Variants in VGLL4 observed in about 807,000 individuals in gnomAD.
The protein encoded by VGLL4 is vestigial like family member 4.
In VGLL4, 7 loss-of-function variants were observed where a neutral mutation model predicts 21.0. The ratio of observed to expected loss-of-function variants is 0.33; its 90% CI spans 0.19 to 0.63. The LOEUF (loss-of-function observed/expected upper bound fraction) is 0.63. VGLL4 is among the 20% of genes least tolerant of loss of function. VGLL4 has a pLI of 0.78. For synonymous variants in VGLL4, 222 were observed against 173.2 expected (o/e 1.28, Z -2.21); for missense variants, 394 against 425.7 (o/e 0.93, Z 0.66).
At position 11,666,415 on chromosome 3, in the gene VGLL4, G is replaced by C. The variant is rs142436725; in HGVS notation, c.64+36556C>G. On this transcript the variant is annotated intron_variant, in intron 2 of 5. Coordinates refer to the VGLL4 transcript ENST00000273038. The stretch of plus-strand genomic sequence containing the variant: ...AGGGCTTCCGAACAGAGCATGGCCA[G>C]AATCTGAGTTCCCATTTTAAAGGCC... 2.0e-3 allele frequency among the ~76,000 whole-genome samples: 311 copies of C among 152,274 alleles called. 1 individual carries two copies. Among genetic ancestry groups the C allele is most frequent in the African/African-American group, 7.2e-3 (300 of 41,556 alleles).
At chr3:11,560,802 G>A (rs76278386) in intron 3 of VGLL4, among the ~76,000 whole-genome samples, 5,184 of 152,260 alleles carry the variant, frequency 0.034, 239 homozygotes, top group African/African-American at 0.1. Context: ...TCCATGGTGT[G>A]CACAGGTGGC....
chr3:11,664,224 C>A (rs1559932114), intron 2 of VGLL4, among the ~76,000 whole-genome samples: 2 of 152,100 alleles, frequency 1.3e-5, no homozygotes, highest in South Asian at 4.1e-4. Flanking sequence ...GGCGACAGAT[C>A]AAGAGTCCGT....
chr3:11,610,325 C>T (rs530344892), intron 1 of VGLL4: 46 of 152,356 alleles, frequency 3.0e-4, no homozygotes, highest in African/African-American at 1.0e-3. Context: ...AAGTCAATCT[C>T]CTTCAAATTG....
At chr3:11,582,812 T>C (rs2125228177) in intron 2 of VGLL4, among the ~76,000 whole-genome samples, 1 of 152,320 alleles carries the variant, frequency 6.6e-6, no homozygotes, top group East Asian at 1.9e-4. Flanking sequence ...TATTCTCTGC[T>C]GCAGCCGCAA....
chr3:11,601,844 G>A lies in VGLL4; in HGVS notation c.261C>T (p.Phe87=), dbSNP rs763977612. 3.7e-6 allele frequency: 6 copies of A among 1,613,710 alleles called. No individual in the cohort carries two copies. The African/African-American group carries it at 5.3e-5, about 14-fold the overall frequency. ...ACAGAGGAACTCACAGATGGGGGTT[G>A]AAGATGCGACTCATTTTGGAGACGT... The part of the protein sequence containing the change: ...NDHVSKMSRI[F]NPHLNKTANG... Residue 87 remains phenylalanine, a synonymous_variant, in exon 2 of 5, where the codon TTC becomes TTT. Coordinates refer to ENST00000430365, the MANE Select transcript of VGLL4 (RefSeq NM_001128219.3).
chr3:11,636,849 C>G (rs950253888), intron 1 of VGLL4, among the ~76,000 whole-genome samples: 1 of 152,090 alleles, frequency 6.6e-6, no homozygotes, highest in Non-Finnish European at 1.5e-5. Context: ...GTTTAATAAA[C>G]AGTGGAGCTA....
intron 2 of VGLL4, among the ~76,000 whole-genome samples, chr3:11,597,013 C>G (rs2074661406): frequency 6.6e-6 from 1 of 151,910 alleles, no homozygotes; most frequent in Admixed American, 6.6e-5. Context: ...AACTTGTAGG[C>G]CAGAAAATAA....
intron 1 of VGLL4, among the ~76,000 whole-genome samples, chr3:11,620,967 G>A (rs575655829): frequency 3.9e-5 from 6 of 152,292 alleles, no homozygotes; most frequent in Admixed American, 6.5e-5. Context: ...AGCAGTGAAT[G>A]CCCCTTACCA....
intron 1 of VGLL4, among the ~76,000 whole-genome samples, chr3:11,713,570 A>T (rs1198016133): frequency 1.2e-4 from 5 of 42,970 alleles, no homozygotes; most frequent in Non-Finnish European, 3.1e-4. Flanking sequence ...TATATTATTT[A>T]TATATATATA....
intron 1 of VGLL4, among the ~76,000 whole-genome samples, chr3:11,608,887 A>T (rs1201731236): frequency 6.6e-6 from 1 of 152,110 alleles, no homozygotes; most frequent in Non-Finnish European, 1.5e-5. Context: ...TTGGAGACGG[A>T]GTCTCACTCT....
chr3:11,721,119 C>T (rs2076989927), upstream of VGLL4: 1 of 152,142 alleles, frequency 6.6e-6, no homozygotes, highest in Non-Finnish European at 1.5e-5. Context: ...GAGCCCCTAC[C>T]GTAAGGGCTT....
intron 1 of VGLL4, among the ~76,000 whole-genome samples, chr3:11,717,762 A>T (rs1292929178): frequency 6.6e-6 from 1 of 152,172 alleles, no homozygotes; most frequent in Non-Finnish European, 1.5e-5. Flanking sequence ...GTGTTTATGT[A>T]GCTCTTTCAA....
chr3:11,712,871 G>A (rs1359917005), intron 1 of VGLL4, among the ~76,000 whole-genome samples: 3 of 152,248 alleles, frequency 2.0e-5, no homozygotes, highest in East Asian at 1.9e-4. Context: ...TCAGGAACAC[G>A]CAAACCATGG....
intron 1 of VGLL4, among the ~76,000 whole-genome samples, chr3:11,714,874 G>A (rs1035841832): frequency 2.6e-5 from 4 of 152,090 alleles, no homozygotes; most frequent in African/African-American, 9.7e-5. Context: ...AGTGGCTCAC[G>A]CCTGTAACCC....
chr3:11,606,454 T>C (rs1398947332), intron 1 of VGLL4, among the ~76,000 whole-genome samples: 1 of 152,226 alleles, frequency 6.6e-6, no homozygotes, highest in African/African-American at 2.4e-5. Context: ...GTGGAGAAGC[T>C]GGAACACGTG....
chr3:11,626,122 G>C (rs529536843), intron 1 of VGLL4, among the ~76,000 whole-genome samples: 2 of 152,210 alleles, frequency 1.3e-5, no homozygotes, highest in Non-Finnish European at 2.9e-5. Context: ...AGCAGAAAGA[G>C]AGCCAGCACT....
chr3:11,559,815 C>T (rs999894261), intron 3 of VGLL4, among the ~76,000 whole-genome samples: 3 of 152,294 alleles, frequency 2.0e-5, no homozygotes, highest in East Asian at 3.9e-4. Flanking sequence ...CCGTTAACGT[C>T]CCCAGAGCCC....
intron 2 of VGLL4, among the ~76,000 whole-genome samples, chr3:11,664,663 G>A (rs983601196): frequency 1.3e-5 from 2 of 152,180 alleles, no homozygotes; most frequent in African/African-American, 4.8e-5. Flanking sequence ...CCTGGAGTGT[G>A]TATCCATCTA....
intron 2 of VGLL4, among the ~76,000 whole-genome samples, chr3:11,578,928 T>A (rs183960056): frequency 2.9e-4 from 44 of 152,052 alleles, no homozygotes; most frequent in Admixed American, 2.2e-3. Context: ...TTTTGTATTT[T>A]TAGTAGAGAC....
Sources: allele counts gnomAD v4.1 joint callset (sites outside exome capture counted in the v4.1 genomes callset), GRCh38; gene constraint gnomAD v4.1.1; transcripts MANE v1.5; gene names NCBI Gene and HGNC (gene_info 2026-07-23, HGNC 2026-07-21).